Variants in SLC25A12 observed in about 807,000 individuals in gnomAD.
SLC25A12 encodes the protein solute carrier family 25 member 12.
A neutral mutation model predicts 83.3 loss-of-function variants in SLC25A12; 32 were observed. That is an observed-to-expected ratio of 0.38 (90% CI 0.29 to 0.52). The LOEUF is 0.52. Among genes scored for constraint, SLC25A12 ranks in the 20% least tolerant of loss-of-function variants. The pLI, the probability that SLC25A12 is intolerant of heterozygous loss-of-function variation, is 0.84. For missense variants in SLC25A12, 611 were observed against 835.6 expected (o/e 0.73, Z 3.31); for synonymous variants, 267 against 291.1 (o/e 0.92, Z 0.84).
intron 8 of SLC25A12, among the ~76,000 whole-genome samples, chr2:171,827,572 G>A (rs1044745083): frequency 2.0e-5 from 3 of 152,188 alleles, no homozygotes; most frequent in Admixed American, 6.5e-5. Context: ...GGGTGTAACC[G>A]ATAGGAAACC....
chr2:171,837,695 A>G (rs1253092897), intron 5 of SLC25A12, among the ~76,000 whole-genome samples: 4 of 152,198 alleles, frequency 2.6e-5, no homozygotes, highest in Admixed American at 2.0e-4. Flanking sequence ...CAGTTTTTCA[A>G]TTTTAAATGT....
At chr2:171,827,520 TTCAGCC>T (rs1358790822) in intron 8 of SLC25A12, among the ~76,000 whole-genome samples, 2 of 152,148 alleles carry the variant, frequency 1.3e-5, no homozygotes, top group African/African-American at 2.4e-5. Flanking sequence ...GAGCCTTCAC[TTCAGCC>T]TCCGATTGGT....
At chr2:171,824,628 A>G (rs566374981) in intron 9 of SLC25A12, among the ~76,000 whole-genome samples, 6 of 152,286 alleles carry the variant, frequency 3.9e-5, no homozygotes, top group African/African-American at 1.4e-4. Context: ...AAAAAATAAA[A>G]TTAAATTCAG....
chr2:171,795,943 T>C (rs943178450), intron 13 of SLC25A12, among the ~76,000 whole-genome samples: 7 of 152,110 alleles, frequency 4.6e-5, no homozygotes, highest in Admixed American at 2.0e-4. Context: ...ACTGACTACA[T>C]TTTGTTTGTG....
chr2:171,855,825 T>C lies in SLC25A12; in HGVS notation c.325+9A>G. On this transcript the variant is annotated intron_variant, in intron 4 of 17. Transcript: ENST00000422440. ...TAACTTATCACTTATAATCTTCTTTTTCCCTTACCAAATGTCACCTCTCCA... is the reference window on the plus strand; with the variant it reads ...TAACTTATCACTTATAATCTTCTTTCTCCCTTACCAAATGTCACCTCTCCA... 2 of 1,496,412 alleles carry C rather than the reference T, an allele frequency of 1.3e-6. No individual in the cohort carries two copies. The highest frequency in any genetic ancestry group is 1.9e-6 in the Non-Finnish European group (2 of 1,072,806). The allele number at this position is 1,496,412 out of a possible 1,614,324, so 92.7% of individuals were successfully genotyped here.
intron 9 of SLC25A12, among the ~76,000 whole-genome samples, chr2:171,817,221 A>T (rs1284765514): frequency 6.6e-6 from 1 of 152,180 alleles, no homozygotes; most frequent in Non-Finnish European, 1.5e-5. Context: ...GAGTCCAAAC[A>T]AAGACAGGCA....
Position 171,834,728 on chromosome 2 carries a change from C to A in SLC25A12, c.750G>T (p.Lys250Asn). The change falls in exon 7 of 18, where the codon AAG becomes AAT. Residue 250 changes from lysine (K) to asparagine (N), a missense_variant and splice_region_variant. Lys to Asn is a moderately conservative substitution (Grantham distance 94). Around this residue, in one of 3 missense-constraint regions of SLC25A12, gnomAD observed 540 missense variants for 777.5 expected, o/e 0.69. Coordinates refer to ENST00000422440, the MANE Select transcript of SLC25A12 (RefSeq NM_003705.5). Reference sequence around the variant, plus strand: ...TTTATGTATATTTTAAAATCTTACCCTTTGTGACTTCAACATCTTTCCTTG... The same window carrying A: ...TTTATGTATATTTTAAAATCTTACCATTTGTGACTTCAACATCTTTCCTTG... Reference protein sequence around the residue: ...AGTRKDVEVTKEEFAQSAIRY... With the variant: ...AGTRKDVEVTNEEFAQSAIRY... 7.4e-6 allele frequency: 12 copies of A among 1,613,150 alleles called. No individual in the cohort carries two copies. The highest frequency in any genetic ancestry group is 1.0e-5 in the Non-Finnish European group (12 of 1,179,860).
At chr2:171,805,838 TG>T in intron 13 of SLC25A12, among the ~76,000 whole-genome samples, 1 of 152,238 alleles carries the variant, frequency 6.6e-6, no homozygotes, top group South Asian at 2.1e-4. Context: ...TTGGCCAGCC[TG>T]GTGACTCACA....
chr2:171,824,845 C>T (rs996249303), intron 9 of SLC25A12, among the ~76,000 whole-genome samples: 1 of 151,814 alleles, frequency 6.6e-6, no homozygotes, highest in African/African-American at 2.4e-5. Flanking sequence ...CACTCTGTTG[C>T]CCAAGCTGGA....
chr2:171,789,695 G>C (rs1683383436), intron 15 of SLC25A12, among the ~76,000 whole-genome samples: 1 of 152,172 alleles, frequency 6.6e-6, no homozygotes, highest in Non-Finnish European at 1.5e-5. Context: ...GCTCTGACCA[G>C]CTGTGCTGGC....
intron 9 of SLC25A12, among the ~76,000 whole-genome samples, chr2:171,816,276 G>A (rs189334560): frequency 1.3e-5 from 2 of 151,900 alleles, no homozygotes; most frequent in African/African-American, 4.8e-5. Context: ...ATGTTGCCCA[G>A]GCTGGTCTCA....
chr2:171,812,488 T>C (rs1300972325), intron 11 of SLC25A12, among the ~76,000 whole-genome samples: 1 of 152,178 alleles, frequency 6.6e-6, no homozygotes, highest in Admixed American at 6.5e-5. Flanking sequence ...AGTATTTTCA[T>C]AGAATCCCAA....
At chr2:171,840,414 G>A (rs1573974052) in intron 5 of SLC25A12, among the ~76,000 whole-genome samples, 1 of 150,904 alleles carries the variant, frequency 6.6e-6, no homozygotes, top group African/African-American at 2.4e-5. Context: ...GAAAAACAGA[G>A]ACCCAAACAA....
chr2:171,894,133 G>A (rs184773360), intron 1 of SLC25A12, 70 bp downstream of exon 1: 1 of 1,561,036 alleles, frequency 6.4e-7, no homozygotes, highest in Non-Finnish European at 8.7e-7. Context: ...GGGAAGCAGT[G>A]GGGGGCTGCA....
intron 3 of SLC25A12, among the ~76,000 whole-genome samples, chr2:171,864,360 A>C (rs1437279275): frequency 6.6e-6 from 1 of 152,220 alleles, no homozygotes; most frequent in Non-Finnish European, 1.5e-5. Flanking sequence ...TATGATTTTA[A>C]TACAAATAAT....
chr2:171,835,858 C>G (rs1357957975), intron 6 of SLC25A12, among the ~76,000 whole-genome samples: 1 of 147,918 alleles, frequency 6.8e-6, no homozygotes. Context: ...AATTTGGATA[C>G]CAGCAACCCA....
At chr2:171,787,412 A>G (rs1690509283) in intron 17 of SLC25A12, among the ~76,000 whole-genome samples, 159 bp downstream of exon 17, 1 of 152,238 alleles carries the variant, frequency 6.6e-6, no homozygotes. Flanking sequence ...TTACTTGCTT[A>G]ACACAAATGC....
At chr2:171,806,106 C>T (rs780124828) in intron 13 of SLC25A12, among the ~76,000 whole-genome samples, 4 of 152,010 alleles carry the variant, frequency 2.6e-5, no homozygotes, top group Non-Finnish European at 5.9e-5. Context: ...GACTGAGATC[C>T]TGTCTCAAAA....
chr2:171,886,448 T>G (rs1374743609), intron 2 of SLC25A12, among the ~76,000 whole-genome samples: 2 of 97,576 alleles, frequency 2.0e-5, no homozygotes, highest in Admixed American at 1.3e-4. Context: ...GCCTAGGCTG[T>G]TTTTTTTTTT....
Sources: allele counts gnomAD v4.1 joint callset (sites outside exome capture counted in the v4.1 genomes callset), GRCh38; gene constraint gnomAD v4.1.1; regional missense constraint gnomAD v4.1.1; transcripts MANE v1.5; gene names NCBI Gene and HGNC (gene_info 2026-07-23, HGNC 2026-07-21).